Variants in ASTN2 observed in about 807,000 individuals in gnomAD.
The protein encoded by ASTN2 is astrotactin-2.
A neutral mutation model predicts 139.8 loss-of-function variants in ASTN2; 54 were observed. The observed-to-expected ratio is 0.39, with a 90% CI of 0.31 to 0.48. The LOEUF (loss-of-function observed/expected upper bound fraction) is 0.48, where lower values mean the gene tolerates loss of function less well. ASTN2 is among the 20% of genes least tolerant of loss of function. The pLI, the probability that ASTN2 is intolerant of heterozygous loss-of-function variation, is 0.95. For missense variants in ASTN2, 1,565 were observed against 1,725.1 expected, an observed-to-expected ratio of 0.91 and a Z score of 1.64; for synonymous variants, 756 against 719.5, an observed-to-expected ratio of 1.05 and a Z score of -0.81.
At chr9:116,981,178 G>A (rs1415324694) in intron 7 of ASTN2, among the ~76,000 whole-genome samples, 3 of 152,154 alleles carry the variant, frequency 2.0e-5, no homozygotes, top group African/African-American at 7.2e-5. Context: ...ACTAAGCTGG[G>A]AATTTCTTGA....
chr9:117,337,442 A>G (rs1828922473), intron 1 of ASTN2, among the ~76,000 whole-genome samples: 1 of 152,182 alleles, frequency 6.6e-6, no homozygotes, highest in Non-Finnish European at 1.5e-5. Flanking sequence ...CATATGTTTC[A>G]AAAGACCAGG....
At chr9:117,045,979 T>TACGTACTATGTAC (rs1564399779) in intron 5 of ASTN2, among the ~76,000 whole-genome samples, 15 of 124,532 alleles carry the variant, frequency 1.2e-4, no homozygotes, top group African/African-American at 4.4e-4. Flanking sequence ...TATGTATGTA[T>TACGTACTATGTAC]GTACGTACGT....
At chr9:116,559,540 G>A (rs1243610753) in intron 19 of ASTN2, among the ~76,000 whole-genome samples, 1 of 152,154 alleles carries the variant, frequency 6.6e-6, no homozygotes, top group Non-Finnish European at 1.5e-5. Flanking sequence ...TGCAGAAGTA[G>A]GAAGTATGAT....
intron 3 of ASTN2, among the ~76,000 whole-genome samples, chr9:117,153,310 G>C (rs1300741411): frequency 6.6e-6 from 1 of 152,074 alleles, no homozygotes; most frequent in African/African-American, 2.4e-5. Flanking sequence ...CCTACAGCCT[G>C]GGTCCTTGAC....
intron 5 of ASTN2, among the ~76,000 whole-genome samples, chr9:117,044,595 C>G (rs540910312): frequency 6.6e-6 from 1 of 152,320 alleles, no homozygotes; most frequent in African/African-American, 2.4e-5. Context: ...ATAATACTCA[C>G]ACCCTCCCAA....
At chr9:116,502,253 G>C (rs914576470) in intron 19 of ASTN2, among the ~76,000 whole-genome samples, 3 of 151,288 alleles carry the variant, frequency 2.0e-5, no homozygotes, top group East Asian at 1.9e-4. Context: ...GACAGAGAGA[G>C]ACACACACAA....
chr9:116,652,401 A>T (rs1248148921), intron 16 of ASTN2, among the ~76,000 whole-genome samples: 2 of 152,174 alleles, frequency 1.3e-5, no homozygotes, highest in African/African-American at 4.8e-5. Context: ...ATTATTCAAT[A>T]ATTTTGCAAG....
intron 5 of ASTN2, among the ~76,000 whole-genome samples, chr9:117,067,384 G>T (rs1827983092): frequency 7.8e-6 from 1 of 128,620 alleles, no homozygotes; most frequent in Non-Finnish European, 1.7e-5. Flanking sequence ...TTTGGTACCA[G>T]TACCATGCTG....
intron 7 of ASTN2, 117 bp downstream of exon 7, chr9:117,007,975 T>G: frequency 8.5e-7 from 1 of 1,169,942 alleles, no homozygotes; most frequent in Non-Finnish European, 1.1e-6. Flanking sequence ...TGGGCCTTCT[T>G]ATTCAGCCAC....
intron 20 of ASTN2, 100 bp from the exon 21 acceptor site, chr9:116,442,653 G>T: frequency 1.1e-6 from 1 of 922,232 alleles, no homozygotes. Context: ...GAGGCTACAG[G>T]AAAAATGATT....
intron 13 of ASTN2, among the ~76,000 whole-genome samples, chr9:116,795,169 G>T (rs141596256): frequency 1.3e-5 from 2 of 152,064 alleles, no homozygotes; most frequent in African/African-American, 4.8e-5. Context: ...TAATAGAGAC[G>T]TGGTTTCACC....
At chr9:117,361,495 A>G (rs1829690918) in intron 1 of ASTN2, among the ~76,000 whole-genome samples, 1 of 152,178 alleles carries the variant, frequency 6.6e-6, no homozygotes, top group Non-Finnish European at 1.5e-5. Flanking sequence ...GAGTTGCTGT[A>G]AGAGTAAAAC....
intron 17 of ASTN2, among the ~76,000 whole-genome samples, chr9:116,646,571 C>A (rs1857598919): frequency 6.6e-6 from 1 of 152,150 alleles, no homozygotes; most frequent in South Asian, 2.1e-4. Context: ...TCCAGACCTG[C>A]AGTGGGTCTA....
At chr9:116,933,943 G>T (rs1026657667) in intron 10 of ASTN2, among the ~76,000 whole-genome samples, 2 of 143,050 alleles carry the variant, frequency 1.4e-5, no homozygotes, top group African/African-American at 5.1e-5. Context: ...GAATATGGTG[G>T]GGCCCTGGAG....
chr9:117,338,505 A>C (rs1252239247), intron 1 of ASTN2, among the ~76,000 whole-genome samples: 1 of 152,214 alleles, frequency 6.6e-6, no homozygotes, highest in Non-Finnish European at 1.5e-5. Context: ...CTGGGCACAC[A>C]TAAGAAAAGG....
At chr9:116,488,002 T>C (rs12000812) in intron 19 of ASTN2, among the ~76,000 whole-genome samples, 5,686 of 152,196 alleles carry the variant, frequency 0.037, 346 homozygotes, top group African/African-American at 0.13. Context: ...TGGAGTGTTA[T>C]AGTGAGATGG....
intron 4 of ASTN2, among the ~76,000 whole-genome samples, chr9:117,111,436 TAA>T (rs56901733): frequency 4.5e-4 from 67 of 149,464 alleles, no homozygotes; most frequent in South Asian, 1.9e-3. Flanking sequence ...ATGTATAAAA[TAA>T]AAAAAAAAAC....
chr9:117,131,904 A>G (rs1829836415), intron 4 of ASTN2, among the ~76,000 whole-genome samples: 1 of 152,246 alleles, frequency 6.6e-6, no homozygotes, highest in Non-Finnish European at 1.5e-5. Flanking sequence ...ATCATGGTCT[A>G]TAGTCACTCA....
chr9:117,136,430 G>A (rs886210877), intron 4 of ASTN2, among the ~76,000 whole-genome samples: 4 of 152,198 alleles, frequency 2.6e-5, no homozygotes, highest in African/African-American at 9.7e-5. Flanking sequence ...CCTGAAATGT[G>A]AACTTTATGA....
Sources: gnomAD v4.1 joint callset for allele counts (sites outside exome capture counted in the v4.1 genomes callset) on GRCh38, gnomAD v4.1.1 for gene constraint, MANE v1.5 for transcripts, NCBI Gene and HGNC (gene_info 2026-07-23, HGNC 2026-07-21) for gene names.